Variants in PTPRD observed in about 807,000 individuals in gnomAD.
PTPRD encodes the protein protein tyrosine phosphatase receptor type D.
Under a neutral mutation model 214.5 loss-of-function variants are expected in PTPRD, and 34 were observed. The observed-to-expected ratio is 0.16, with a 90% CI of 0.12 to 0.21. The LOEUF (loss-of-function observed/expected upper bound fraction) is 0.21. Ranked by LOEUF, PTPRD falls within the 10% of genes least tolerant of loss-of-function variation. The pLI is 1.00. For synonymous variants in PTPRD, 1,128 were observed against 845.7 expected, an observed-to-expected ratio of 1.33 and a Z score of -5.79; for missense variants, 2,545 against 2,398.7, an observed-to-expected ratio of 1.06 and a Z score of -1.27.
chr9:8,901,382 T>C (rs2098667760), intron 11 of PTPRD, among the ~76,000 whole-genome samples: 1 of 152,344 alleles, frequency 6.6e-6, no homozygotes, highest in Non-Finnish European at 1.5e-5. Flanking sequence ...TCAATATGAA[T>C]GACTAGTCAT....
intron 8 of PTPRD, among the ~76,000 whole-genome samples, chr9:9,511,424 G>T (rs527864517): frequency 4.6e-5 from 7 of 151,742 alleles, no homozygotes; most frequent in South Asian, 2.1e-4. Flanking sequence ...GCTGTCAAAT[G>T]GCAAAATCAT....
intron 11 of PTPRD, among the ~76,000 whole-genome samples, chr9:8,772,742 AT>A (rs142751648): frequency 0.048 from 7,214 of 151,558 alleles, 416 homozygotes; most frequent in African/African-American, 0.14. Context: ...CAATAGGTTG[AT>A]TTTTTTTTCT....
rs1229571826 is a variant in PTPRD at position 8,340,361 on chromosome 9, C to T, written c.5235G>A (p.Lys1745=). 6.2e-7 allele frequency: 1 copy of T among 1,609,436 alleles called. No individual in the cohort carries two copies. Among genetic ancestry groups the T allele is most frequent in the East Asian group, 2.2e-5 (1 of 44,830 alleles). Reference sequence around the variant, plus strand: ...CACTTACTCTGCCCATTTCACGCAGCTTGGTGAGCATCACAACTATGGTGG... The same window carrying T: ...CACTTACTCTGCCCATTTCACGCAGTTTGGTGAGCATCACAACTATGGTGG... ...HNSTIVVMLT[K]LREMGREKCH... is the part of the protein sequence containing the mutation. The change falls in exon 42 of 46, where the codon AAG becomes AAA. Residue 1745 remains lysine (K), a synonymous_variant. Transcript: ENST00000381196.
At chr9:10,178,505 G>T (rs1322286260) in intron 3 of PTPRD, among the ~76,000 whole-genome samples, 1 of 151,898 alleles carries the variant, frequency 6.6e-6, no homozygotes, top group African/African-American at 2.4e-5. Context: ...GGTGATAAAA[G>T]AGAAAACTGG....
intron 6 of PTPRD, among the ~76,000 whole-genome samples, chr9:9,764,247 T>C (rs1313071616): frequency 6.6e-6 from 1 of 152,192 alleles, no homozygotes; most frequent in Non-Finnish European, 1.5e-5. Context: ...GGTATAATTT[T>C]TTCTAATCTA....
intron 31 of PTPRD, among the ~76,000 whole-genome samples, chr9:8,467,829 G>C (rs780856276): frequency 6.6e-6 from 1 of 151,746 alleles, no homozygotes; most frequent in Non-Finnish European, 1.5e-5. Flanking sequence ...TATAATTGAA[G>C]CATCATTACA....
At chr9:10,407,761 T>TAGA (rs544623041) in intron 2 of PTPRD, among the ~76,000 whole-genome samples, 2 of 151,756 alleles carry the variant, frequency 1.3e-5, no homozygotes, top group African/African-American at 4.8e-5. Context: ...GGTAACCTGC[T>TAGA]AGATTACCTG....
chr9:9,146,012 T>C (rs955561082), intron 10 of PTPRD, among the ~76,000 whole-genome samples: 1 of 152,216 alleles, frequency 6.6e-6, no homozygotes, highest in Non-Finnish European at 1.5e-5. Context: ...TAACTACTTC[T>C]TTGTCCACTC....
rs61072807 is a variant in PTPRD at position 8,912,712 on chromosome 9, A to C, written c.-104+105985T>G. 5.8e-3 allele frequency among the ~76,000 whole-genome samples: 883 copies of C among 152,322 alleles called. 9 individuals are homozygous for C. The highest frequency in any genetic ancestry group is 0.021 in the African/African-American group (855 of 41,572). On this transcript the variant is annotated intron_variant, in intron 11 of 45. Coordinates refer to ENST00000381196, the MANE Select transcript of PTPRD (RefSeq NM_002839.4). ...AATGGATTAATTCAGGAAATGTATA[A>C]TTTTTTAAAAAATATATTCATTGTT...
chr9:8,927,739 G>A (rs1043337372), intron 11 of PTPRD, among the ~76,000 whole-genome samples: 4 of 152,088 alleles, frequency 2.6e-5, no homozygotes, highest in African/African-American at 7.2e-5. Flanking sequence ...GGGATTGCTG[G>A]GTCAAATGGT....
intron 10 of PTPRD, among the ~76,000 whole-genome samples, chr9:9,045,164 A>T (rs769522429): frequency 6.6e-6 from 1 of 152,184 alleles, no homozygotes; most frequent in Non-Finnish European, 1.5e-5. Context: ...ATTTTAGAGC[A>T]CTTAGATGAA....
At chr9:10,540,602 G>C (rs543606419) in intron 2 of PTPRD, among the ~76,000 whole-genome samples, 1 of 152,040 alleles carries the variant, frequency 6.6e-6, no homozygotes, top group Admixed American at 6.6e-5. Flanking sequence ...TGTTTAGTTT[G>C]CATTTGTAAC....
intron 3 of PTPRD, among the ~76,000 whole-genome samples, chr9:10,310,367 G>T (rs935976263): frequency 3.9e-5 from 6 of 151,940 alleles, no homozygotes; most frequent in Admixed American, 1.3e-4. Context: ...TGGAAAACAT[G>T]ATTTCAGAAG....
intron 3 of PTPRD, among the ~76,000 whole-genome samples, chr9:10,120,462 A>G (rs1451638376): frequency 6.6e-6 from 1 of 152,014 alleles, no homozygotes; most frequent in Non-Finnish European, 1.5e-5. Context: ...ATAAGATCTC[A>G]GTCTACGTCC....
At position 10,206,032 on chromosome 9, in the gene PTPRD, T is replaced by TA. The variant is rs77620088; in HGVS notation, c.-545+134930dup. On this transcript the variant is annotated intron_variant, in intron 3 of 45. Transcript: ENST00000381196. ...CAACAATTCCAATAATAGCTTTATG[T>TA]AAAAAAAAAAAAAAGTATTAGAAAC... Among the ~76,000 whole-genome samples the TA allele has an allele frequency of 8.9e-3, 1,156 of 129,872 alleles. 9 individuals carry two copies. The highest frequency in any genetic ancestry group is 0.026 in the African/African-American group (898 of 35,128). 85.2% of individuals were successfully genotyped at this position (129,872 alleles called of 152,430 possible). A position where few individuals can be genotyped will look rare whatever the true frequency, so the allele number is the denominator to read the frequency against.
At chr9:9,314,453 C>T (rs1360774397) in intron 9 of PTPRD, among the ~76,000 whole-genome samples, 3 of 152,016 alleles carry the variant, frequency 2.0e-5, no homozygotes, top group African/African-American at 7.2e-5. Flanking sequence ...TCAAAGAATG[C>T]AGGTGATTTT....
chr9:9,960,667 C>G (rs923910183), intron 4 of PTPRD, among the ~76,000 whole-genome samples: 2 of 152,112 alleles, frequency 1.3e-5, no homozygotes, highest in Admixed American at 6.6e-5. Context: ...GAGACAAATT[C>G]TAACAGAGGG....
chr9:9,252,708 T>C (rs906782341), intron 9 of PTPRD, among the ~76,000 whole-genome samples: 1 of 152,068 alleles, frequency 6.6e-6, no homozygotes, highest in African/African-American at 2.4e-5. Flanking sequence ...CTTGAACTCC[T>C]GGCTTCAAGC....
intron 33 of PTPRD, 65 bp downstream of exon 33, chr9:8,460,346 A>T: frequency 6.3e-7 from 1 of 1,580,116 alleles, no homozygotes; most frequent in Non-Finnish European, 8.7e-7. Context: ...ACAGCAGAAC[A>T]ATGATCAAGT....
Sources: gnomAD v4.1 joint callset for allele counts (sites outside exome capture counted in the v4.1 genomes callset) on GRCh38, gnomAD v4.1.1 for gene constraint, MANE v1.5 for transcripts, NCBI Gene and HGNC (gene_info 2026-07-23, HGNC 2026-07-21) for gene names.